The following XDH variants were observed in gnomAD, a reference collection of about 807,000 sequenced individuals.
XDH encodes xanthine dehydrogenase/oxidase.
Under a neutral mutation model 156.1 loss-of-function variants are expected in XDH, and 138 were observed. The observed-to-expected ratio is 0.88, with a 90% confidence interval of 0.77 to 1.02. XDH has a LOEUF of 1.02. XDH is among the 50% of genes least tolerant of loss of function. The probability of loss-of-function intolerance (pLI) is 0.00; values close to 1 mark genes in which losing one functional copy is unlikely to be tolerated. For missense variants in XDH, 1,849 were observed against 1,684.9 expected (o/e 1.10, Z -1.71); for synonymous variants, 669 against 625.7 (o/e 1.07, Z -1.03).
At chr2:31,355,494 G>A (rs1685599935) in intron 24 of XDH, among the ~76,000 whole-genome samples, 1 of 151,972 alleles carries the variant, frequency 6.6e-6, no homozygotes, top group Non-Finnish European at 1.5e-5. Context: ...TAATATAAAT[G>A]GGAAAGGGCA....
chr2:31,353,965 C>T (rs1685559157), intron 24 of XDH, among the ~76,000 whole-genome samples: 1 of 152,186 alleles, frequency 6.6e-6, no homozygotes, highest in African/African-American at 2.4e-5. Context: ...CTGGAGAACA[C>T]ATTGACTTCC....
intron 24 of XDH, among the ~76,000 whole-genome samples, chr2:31,354,006 C>T (rs1336213668): frequency 1.3e-5 from 2 of 152,178 alleles, no homozygotes; most frequent in South Asian, 2.1e-4. Context: ...CACCACTCTT[C>T]CCTTCCTTTC....
chr2:31,365,157 C>T (rs530908156), intron 23 of XDH, among the ~76,000 whole-genome samples: 134 of 152,276 alleles, frequency 8.8e-4, no homozygotes, highest in Admixed American at 1.4e-3. Flanking sequence ...GGCTACCAAG[C>T]GCGATGGTTT....
intron 8 of XDH, among the ~76,000 whole-genome samples, chr2:31,387,405 T>C (rs565770920): frequency 8.1e-4 from 124 of 152,314 alleles, no homozygotes; most frequent in African/African-American, 2.9e-3. Context: ...TGTTTTGTTT[T>C]GTTTTGTTTT....
chr2:31,364,090 G>A (rs1685845317), intron 24 of XDH, 68 bp downstream of exon 24: 1 of 1,483,406 alleles, frequency 6.7e-7, no homozygotes, highest in Admixed American at 1.7e-5. Flanking sequence ...GGAGGCCTGT[G>A]CCTGCGTGGG....
intron 28 of XDH, among the ~76,000 whole-genome samples, chr2:31,347,942 C>T (rs1329850062): frequency 6.6e-6 from 1 of 152,230 alleles, no homozygotes; most frequent in African/African-American, 2.4e-5. Context: ...TGTGCTGACT[C>T]TAATCCAGCT....
chr2:31,364,735 A>T (rs1271203092), intron 23 of XDH, among the ~76,000 whole-genome samples: 1 of 152,160 alleles, frequency 6.6e-6, no homozygotes, highest in Non-Finnish European at 1.5e-5. Context: ...ACACACGGAA[A>T]CTGGGACCCC....
chr2:31,381,630 C>T lies in XDH; in HGVS notation c.1132+3G>A, dbSNP rs1242072395. 5 of 1,614,050 alleles carry T rather than the reference C, an allele frequency of 3.1e-6. No individual in the cohort carries two copies. The highest frequency in any genetic ancestry group is 4.2e-6 in the Non-Finnish European group (5 of 1,179,994). On this transcript the variant is annotated splice_donor_region_variant and intron_variant, in intron 12 of 35. Coordinates refer to ENST00000379416, the MANE Select transcript of XDH (RefSeq NM_000379.4). ...TCCTGGACCTCTGCTTCAGGCAGCT[C>T]ACCTCTGGACACAAGTGTCAGCTTG...
rs774895937 is a variant in XDH at position 31,398,558 on chromosome 2, C to G, written c.433+15G>C. The G allele has an allele frequency of 6.2e-7, 1 of 1,613,670 alleles. No homozygotes were observed. The highest frequency in any genetic ancestry group is 1.3e-5 in the African/African-American group (1 of 74,924). On this transcript the variant is annotated intron_variant, in intron 5 of 35. Coordinates refer to ENST00000379416, the MANE Select transcript of XDH (RefSeq NM_000379.4). The stretch of plus-strand genomic sequence containing the variant: ...TTGCCATTCCACCTCCTAGGCTGTG[C>G]CTGAAGGCCCATACCTTGGAAGGCA...
chr2:31,356,110 GA>G (rs1354763542), intron 24 of XDH, among the ~76,000 whole-genome samples: 1 of 152,030 alleles, frequency 6.6e-6, no homozygotes. Context: ...TAAAAGAGCT[GA>G]AAAAGATATG....
At chr2:31,353,255 G>T (rs1331343867) in intron 24 of XDH, among the ~76,000 whole-genome samples, 1 of 151,958 alleles carries the variant, frequency 6.6e-6, no homozygotes, top group Non-Finnish European at 1.5e-5. Flanking sequence ...TCCCACTTCT[G>T]GTCTTACCCT....
chr2:31,339,713 C>T, intron 33 of XDH, 36 bp from the exon 34 acceptor site: 27 of 1,610,032 alleles, frequency 1.7e-5, no homozygotes, highest in Non-Finnish European at 2.3e-5. Context: ...TAGCCTGCCA[C>T]CTTCTTCCCT....
intron 31 of XDH, 67 bp downstream of exon 31, chr2:31,344,617 T>TG: frequency 6.3e-7 from 1 of 1,582,356 alleles, no homozygotes; most frequent in South Asian, 1.1e-5. Flanking sequence ...GATTCGGTGC[T>TG]GGAGTGGACC....
Position 31,350,392 on chromosome 2 carries a change from T to TTTC in XDH, c.2632-170_2632-169insGAA, listed in dbSNP as rs1395765982. ...TCTTTTTTTTTTTTTTTTTTTTTTT[T>TTTC]TTTGAGATGGAGTCTCGCTCTGTCA... On this transcript the variant is annotated intron_variant, in intron 24 of 35. Coordinates refer to ENST00000379416, the MANE Select transcript of XDH (RefSeq NM_000379.4). Among the ~76,000 whole-genome samples, 12 of 145,532 alleles carry TTTC rather than the reference T, an allele frequency of 8.2e-5. 1 individual carries two copies. The highest frequency in any genetic ancestry group is 3.1e-4 in the African/African-American group (12 of 38,810).
intron 11 of XDH, 27 bp downstream of exon 11, chr2:31,382,974 C>CTTT: frequency 6.2e-7 from 1 of 1,614,026 alleles, no homozygotes; most frequent in Non-Finnish European, 8.5e-7. Flanking sequence ...ATCCTACGGG[C>CTTT]CTCGCTTGCT....
chr2:31,346,915 G>A, intron 29 of XDH, 72 bp from the exon 30 acceptor site: 4 of 1,599,068 alleles, frequency 2.5e-6, no homozygotes, highest in Non-Finnish European at 2.6e-6. Context: ...AAACCCGAGG[G>A]CCCCAGCAAG....
chr2:31,381,872 A>G (rs1014833018), intron 11 of XDH, 146 bp from the exon 12 acceptor site: 21 of 731,618 alleles, frequency 2.9e-5, no homozygotes, highest in Non-Finnish European at 4.8e-5. Flanking sequence ...ATACCAGCAT[A>G]GTGAGAACTT....
rs933714958 is a variant in XDH, at chr2:31,403,121, C to T, written c.124G>A (p.Gly42Ser). 11 of 1,614,042 alleles carry T rather than the reference C, an allele frequency of 6.8e-6. 1 individual carries two copies. The African/African-American group carries it at 9.3e-5, about 14-fold the overall frequency. ...GCCCCGCAGCCCCCCTCTCCACAGC[C>T]GAGCTTGGTTCCACTCAGCCCCACT... ...RKLGLSGTKL[G>S]CGEGGCGACT... Residue 42 changes from glycine to serine, a missense_variant, in exon 3 of 36, where the codon GGC becomes AGC. Coordinates refer to ENST00000379416, the MANE Select transcript of XDH (RefSeq NM_000379.4).
intron 6 of XDH, among the ~76,000 whole-genome samples, chr2:31,397,045 G>A (rs900716323): frequency 6.6e-6 from 1 of 152,162 alleles, no homozygotes; most frequent in Non-Finnish European, 1.5e-5. Context: ...AGTAAAACCT[G>A]GGGGGAGATT....
Sources: allele counts gnomAD v4.1 joint callset (sites outside exome capture counted in the v4.1 genomes callset), GRCh38; gene constraint gnomAD v4.1.1; transcripts MANE v1.5; gene names NCBI Gene and HGNC (gene_info 2026-07-23, HGNC 2026-07-21).